The following ITGA11 variants were observed in gnomAD, a reference collection of about 807,000 sequenced individuals.
The protein encoded by ITGA11 is integrin subunit alpha 11.
Under a neutral mutation model 141.9 loss-of-function variants are expected in ITGA11, and 97 were observed. That is an observed-to-expected ratio of 0.68 (90% confidence interval 0.58 to 0.81). ITGA11 has a LOEUF of 0.81. Among genes scored for constraint, ITGA11 ranks in the 30% least tolerant of loss-of-function variants. ITGA11 has a pLI of 0.00. For missense variants in ITGA11, 1,387 were observed against 1,559.2 expected, an observed-to-expected ratio of 0.89 and a Z score of 1.86; for synonymous variants, 658 against 624.6, an observed-to-expected ratio of 1.05 and a Z score of -0.80.
intron 22 of ITGA11, among the ~76,000 whole-genome samples, 173 bp from the exon 23 acceptor site, chr15:68,314,041 AG>A (rs1230907180): frequency 6.6e-6 from 1 of 152,214 alleles, no homozygotes. Flanking sequence ...GGCCAGAAGC[AG>A]GGATGGATGA....
At chr15:68,384,924 A>G (rs1895947122) in intron 2 of ITGA11, among the ~76,000 whole-genome samples, 2 of 152,330 alleles carry the variant, frequency 1.3e-5, no homozygotes, top group South Asian at 4.1e-4. Context: ...AGACTTGTGT[A>G]AGATGCATCT....
rs925399060 is a variant in ITGA11, at chr15:68,326,945, T to C, written c.2069-149A>G. The C allele has an allele frequency of 2.0e-5, 16 of 796,818 alleles. No individual in the cohort carries two copies. Among genetic ancestry groups the C allele is most frequent in the Non-Finnish European group, 3.1e-5 (16 of 516,404 alleles). The allele number at this position is 796,818 out of a possible 1,614,324, so 49.4% of individuals were successfully genotyped here. A position where few individuals can be genotyped will look rare whatever the true frequency, so the allele number is the denominator to read the frequency against. On this transcript the variant is annotated intron_variant, in intron 16 of 29. Coordinates refer to ENST00000315757, the MANE Select transcript of ITGA11 (RefSeq NM_001004439.2). The surrounding 1 kb of genome is among the most constrained non-coding windows in gnomAD (Gnocchi z 6.8). ...CCAGTGTGGGTGAGAAACTCCCACATGGAGAGCAAGTGATTGCATGAGGAA... is the reference window on the plus strand; with the variant it reads ...CCAGTGTGGGTGAGAAACTCCCACACGGAGAGCAAGTGATTGCATGAGGAA...
chr15:68,336,903 G>A (rs1894378276), intron 11 of ITGA11, among the ~76,000 whole-genome samples: 1 of 152,208 alleles, frequency 6.6e-6, no homozygotes, highest in South Asian at 2.1e-4. Flanking sequence ...GCCTGGGGGT[G>A]AACTGCTCTG....
chr15:68,354,144 T>G (rs1894997940), intron 7 of ITGA11, among the ~76,000 whole-genome samples: 1 of 152,056 alleles, frequency 6.6e-6, no homozygotes, highest in African/African-American at 2.4e-5. Context: ...TCCCCATAGC[T>G]TTCATCTCTT....
rs1893965613 is a variant in ITGA11, at chr15:68,326,158, T to C, written c.2211+496A>G. Among the ~76,000 whole-genome samples, 1 of 152,172 alleles carries C rather than the reference T, an allele frequency of 6.6e-6. No homozygotes were observed. The highest frequency in any genetic ancestry group is 2.4e-5 in the African/African-American group (1 of 41,444). ...TGGGGCTGGAGCTGTGAGCTGGGTA[T>C]TTGGTATCTCTGGATGGAAGTAAAC... On this transcript the variant is annotated intron_variant, in intron 17 of 29. Transcript: ENST00000315757. The surrounding 1 kb of genome is among the most constrained non-coding windows in gnomAD (Gnocchi z 6.8).
intron 5 of ITGA11, among the ~76,000 whole-genome samples, chr15:68,360,821 G>A (rs1365104353): frequency 6.6e-6 from 1 of 152,146 alleles, no homozygotes; most frequent in Non-Finnish European, 1.5e-5. Flanking sequence ...TGCCCCTGCT[G>A]GACTGATGCT....
chr15:68,411,368 A>G (rs1172638287), intron 1 of ITGA11, among the ~76,000 whole-genome samples: 1 of 152,182 alleles, frequency 6.6e-6, no homozygotes, highest in Non-Finnish European at 1.5e-5. Context: ...CTCCTTCTTC[A>G]AGACTCACCC....
chr15:68,311,134 G>T (rs1197476945), intron 25 of ITGA11, 54 bp from the exon 26 acceptor site: 4 of 1,421,046 alleles, frequency 2.8e-6, no homozygotes, highest in Non-Finnish European at 3.9e-6. Context: ...AACCAGCTCT[G>T]GCAGACGCAG....
intron 11 of ITGA11, 147 bp downstream of exon 11, chr15:68,339,353 C>A (rs186550118): frequency 2.3e-6 from 2 of 866,670 alleles, no homozygotes; most frequent in Non-Finnish European, 3.5e-6. Flanking sequence ...GAAATGCCCC[C>A]GGGGATGCTC....
chr15:68,432,021 A>G lies in ITGA11; in HGVS notation c.46T>C (p.Trp16Arg). 1 of 1,335,266 alleles carries G rather than the reference A, an allele frequency of 7.5e-7. No homozygotes were observed. Among genetic ancestry groups the G allele is most frequent in the South Asian group, 2.2e-5 (1 of 45,146 alleles). The allele number at this position is 1,335,266 out of a possible 1,614,324, so 82.7% of individuals were successfully genotyped here. ...GCAGAGGGTGGGCACCTACCTGGCC[A>G]CAGGCTGAGCGCCCAGGCCACCACC... ...GLVVAWALSL[W>R]PGFTDTFNMD... is the part of the protein sequence containing the mutation. The change falls in exon 1 of 30, where the codon TGG (tryptophan) becomes CGG (arginine). Residue 16 changes from tryptophan to arginine, a missense_variant. Trp to Arg is a moderately radical substitution (Grantham distance 101, BLOSUM62 -3). Transcript: ENST00000315757.
In ITGA11 at chr15:68,369,240, G is replaced by A. The variant is rs753387408; in HGVS notation, c.209C>T (p.Thr70Met). 3.9e-5 allele frequency: 63 copies of A among 1,613,816 alleles called. No individual in the cohort carries two copies. The highest frequency in any genetic ancestry group is 4.6e-5 in the Non-Finnish European group (54 of 1,179,868). Residue 70 changes from threonine to methionine, a missense_variant, in exon 3 of 30, where the codon ACG (threonine) becomes ATG (methionine). Transcript: ENST00000315757. Reference sequence around the variant, plus strand: ...CACTGGACACTTGTACACGTCTCCCGTCTTCTGGTAGCCATTGGTTTCCAG... The same window carrying A: ...CACTGGACACTTGTACACGTCTCCCATCTTCTGGTAGCCATTGGTTTCCAG... ...APLETNGYQK[T>M]GDVYKCPVIH... is the part of the protein sequence containing the mutation.
At chr15:68,309,611 T>TTTG (rs1369195292) in intron 26 of ITGA11, among the ~76,000 whole-genome samples, 11 of 149,150 alleles carry the variant, frequency 7.4e-5, no homozygotes, top group African/African-American at 2.8e-4. Context: ...TTTTTTTTTT[T>TTTG]TGAGACAGAG....
At chr15:68,310,891 T>C (rs1595851004) in intron 26 of ITGA11, 103 bp downstream of exon 26, 1 of 838,858 alleles carries the variant, frequency 1.2e-6, no homozygotes, top group East Asian at 2.7e-5. Flanking sequence ...CTCAGTAAGC[T>C]CTTATTGGCA....
At position 68,312,862 on chromosome 15, in the gene ITGA11, T is replaced by A; in HGVS notation, c.2884A>T (p.Ser962Cys). ...KYEADVLFTRSSSLSHYEVKP... is the reference protein window; with the variant it reads ...KYEADVLFTRCSSLSHYEVKP... Reference sequence around the variant, plus strand: ...ACCTCGTAGTGGCTCAGGCTGCTGCTCCTGCGGAGACAGAGGACAGGGCTG... The same window carrying A: ...ACCTCGTAGTGGCTCAGGCTGCTGCACCTGCGGAGACAGAGGACAGGGCTG... Residue 962 changes from serine (S) to cysteine (C), a missense_variant and splice_region_variant, in exon 24 of 30, where the codon AGC becomes TGC. Coordinates refer to ENST00000315757, the MANE Select transcript of ITGA11 (RefSeq NM_001004439.2). The A allele has an allele frequency of 6.2e-7, 1 of 1,611,298 alleles. No individual in the cohort carries two copies. The highest frequency in any genetic ancestry group is 8.5e-7 in the Non-Finnish European group (1 of 1,177,764).
At chr15:68,313,972 G>A (rs1893485490) in intron 22 of ITGA11, 104 bp from the exon 23 acceptor site, 1 of 847,066 alleles carries the variant, frequency 1.2e-6, no homozygotes, top group African/African-American at 1.7e-5. Context: ...GCTTATCTGG[G>A]GCTGATGGGC....
At position 68,432,107 on chromosome 15, in the gene ITGA11, CG is replaced by C. The variant is rs952735744; in HGVS notation, c.-42del. The C allele has an allele frequency of 1.0e-5, 14 of 1,344,522 alleles. No individual in the cohort carries two copies. Among genetic ancestry groups the C allele is most frequent in the Middle Eastern group, 2.7e-4 (1 of 3,720 alleles). The allele number at this position is 1,344,522 out of a possible 1,614,324, so 83.3% of individuals were successfully genotyped here. On this transcript the variant is annotated 5_prime_UTR_variant, in exon 1 of 30. Coordinates refer to ENST00000315757, the MANE Select transcript of ITGA11 (RefSeq NM_001004439.2). ...GGCTGGGTCCGGTGTGCAGCGGCGG[CG>C]GGGGGCGGCAAGCCAGAGCGGCAGC...
At chr15:68,429,832 C>G (rs992958473) in intron 1 of ITGA11, among the ~76,000 whole-genome samples, 4 of 152,154 alleles carry the variant, frequency 2.6e-5, no homozygotes, top group African/African-American at 9.7e-5. Context: ...CACTTTCAGG[C>G]CCATGCACAC....
chr15:68,402,280 T>G (rs1896530887), intron 2 of ITGA11, among the ~76,000 whole-genome samples: 1 of 152,094 alleles, frequency 6.6e-6, no homozygotes. Flanking sequence ...GAGATCTTAC[T>G]GGGGTGATAA....
intron 3 of ITGA11, among the ~76,000 whole-genome samples, chr15:68,366,247 T>G (rs1895417928): frequency 6.6e-6 from 1 of 152,140 alleles, no homozygotes; most frequent in Non-Finnish European, 1.5e-5. Context: ...CACCTGCCCT[T>G]TCAGGACCCC....
Sources: gnomAD v4.1 joint callset for allele counts (sites outside exome capture counted in the v4.1 genomes callset) on GRCh38, gnomAD v4.1.1 for gene constraint, Gnocchi (gnomAD v3.1) non-coding constraint, MANE v1.5 for transcripts, NCBI Gene and HGNC (gene_info 2026-07-23, HGNC 2026-07-21) for gene names.